The following ARHGAP45 variants were observed in gnomAD, a reference collection of about 807,000 sequenced individuals.
ARHGAP45 encodes the protein Rho GTPase activating protein 45, also known as rho GTPase-activating protein 45.
In ARHGAP45, 56 loss-of-function variants were observed where a neutral mutation model predicts 116.1. That is an observed-to-expected ratio of 0.48 (90% confidence interval 0.39 to 0.60). The LOEUF (loss-of-function observed/expected upper bound fraction) is 0.60. ARHGAP45 is among the 20% of genes least tolerant of loss of function. The probability of loss-of-function intolerance (pLI) is 0.00; values close to 1 mark genes in which losing one functional copy is unlikely to be tolerated. For synonymous variants in ARHGAP45, 866 were observed against 701.7 expected (o/e 1.23, Z -3.70); for missense variants, 1,622 against 1,601.0 (o/e 1.01, Z -0.22).
intron 1 of ARHGAP45, 184 bp downstream of exon 1, chr19:1,067,679 G>C: frequency 2.8e-6 from 2 of 721,586 alleles, no homozygotes; most frequent in Admixed American, 4.0e-5. Flanking sequence ...CTCACGGTAG[G>C]GACCCTGGGA....
chr19:1,080,870 C>T (rs745623081), intron 16 of ARHGAP45, 22 bp from the exon 17 acceptor site: 3 of 1,604,992 alleles, frequency 1.9e-6, no homozygotes, highest in Non-Finnish European at 2.6e-6. Flanking sequence ...TTGGTGACAC[C>T]GGCTGCCTGT....
chr19:1,067,371 G>C lies in ARHGAP45; in HGVS notation c.-35G>C. 6.5e-7 allele frequency: 1 copy of C among 1,533,212 alleles called. No individual in the cohort carries two copies. The highest frequency in any genetic ancestry group is 8.8e-7 in the Non-Finnish European group (1 of 1,142,310). 95.0% of individuals were successfully genotyped at this position (1,533,212 alleles called of 1,614,324 possible). A position where few individuals can be genotyped will look rare whatever the true frequency, so the allele number is the denominator to read the frequency against. ...GGGAGCTGCAGCGCTGAGACCCCCA[G>C]CCCGCCCCCTCGGGCTCCCGGCCGG... On this transcript the variant is annotated 5_prime_UTR_variant, in exon 1 of 23. Transcript: ENST00000313093.
At chr19:1,070,510 CT>C (rs35544064) in intron 2 of ARHGAP45, among the ~76,000 whole-genome samples, 13,613 of 133,126 alleles carry the variant, frequency 0.1, 720 homozygotes, top group African/African-American at 0.14. Flanking sequence ...TTTTTTCTTT[CT>C]TTTTTTTTTT....
At chr19:1,081,512 G>T in intron 17 of ARHGAP45, 38 bp from the exon 18 acceptor site, 1 of 1,440,512 alleles carries the variant, frequency 6.9e-7, no homozygotes, top group Non-Finnish European at 9.1e-7. Flanking sequence ...TGAGCTGGGC[G>T]CCCCGGGGCT....
Position 1,067,642 on chromosome 19 carries a change from C to A in ARHGAP45, c.90+147C>A, listed in dbSNP as rs1555704944. 3 of 803,490 alleles carry A rather than the reference C, an allele frequency of 3.7e-6. No homozygotes were observed. The South Asian group carries it at 4.3e-5, about 12-fold the overall frequency. 49.8% of individuals were successfully genotyped at this position (803,490 alleles called of 1,614,324 possible). A position where few individuals can be genotyped will look rare whatever the true frequency, so the allele number is the denominator to read the frequency against. ...CCGGGCGGGACGGCAGGGGCCACAG[C>A]AGAGAGGCCGGGACCCCGGCATTCA... On this transcript the variant is annotated intron_variant, in intron 1 of 22. Transcript: ENST00000313093.
chr19:1,079,822 C>T lies in ARHGAP45; in HGVS notation c.1494C>T (p.Ser498=), dbSNP rs945681185. The change falls in exon 12 of 23, where the codon AGC becomes AGT. Residue 498 remains serine (S), a synonymous_variant. Transcript: ENST00000313093. ...LRQIQEVIRQ[S]DQTIKSATIS... ...AGATCCAGGAGGTCATCCGGCAGAG[C>T]GACCAAACCATCAAGTCGGTGCGTG... 1 of 1,607,320 alleles carries T rather than the reference C, an allele frequency of 6.2e-7. No individual in the cohort carries two copies. Among genetic ancestry groups the T allele is most frequent in the Non-Finnish European group, 8.5e-7 (1 of 1,175,538 alleles).
intron 11 of ARHGAP45, 41 bp from the exon 12 acceptor site, chr19:1,079,662 C>G (rs779610289): frequency 5.6e-6 from 9 of 1,606,738 alleles, no homozygotes; most frequent in South Asian, 3.3e-5. Flanking sequence ...TCCTGCACCC[C>G]GGGCTGAGGC....
chr19:1,086,433 G>A lies in ARHGAP45; in HGVS notation c.*427G>A, dbSNP rs988274359. On this transcript the variant is annotated 3_prime_UTR_variant, in exon 23 of 23. Transcript: ENST00000313093. ...AGAAACCATTCTGGGAGCCGTGGAT[G>A]GGGGCGGAGCTGGGGTTTGGTGCAG... 1 of 179,188 alleles carries A rather than the reference G, an allele frequency of 5.6e-6. No homozygotes were observed. The highest frequency in any genetic ancestry group is 1.2e-5 in the Non-Finnish European group (1 of 83,538). 11.1% of individuals were successfully genotyped at this position (179,188 alleles called of 1,614,324 possible).
chr19:1,085,633 C>T (rs775945092), intron 22 of ARHGAP45, 27 bp from the exon 23 acceptor site: 111 of 1,489,340 alleles, frequency 7.5e-5, no homozygotes, highest in Non-Finnish European at 9.7e-5. Flanking sequence ...TGTCTGTCTC[C>T]CCCCGCCATC....
In ARHGAP45 at chr19:1,074,863, G is replaced by T. The variant is rs1302648887; in HGVS notation, c.1169G>T (p.Arg390Leu). 1 of 1,373,952 alleles carries T rather than the reference G, an allele frequency of 7.3e-7. No homozygotes were observed. Among genetic ancestry groups the T allele is most frequent in the African/African-American group, 1.5e-5 (1 of 66,812 alleles). The allele number at this position is 1,373,952 out of a possible 1,614,324, so 85.1% of individuals were successfully genotyped here. ...RRKEIKEAWH[R>L]AQRKLQEAES... ...AAGGAGATCAAGGAGGCCTGGCACC[G>T]TGCCCAGAGGAAGCTGGTGAGGCGG... is the stretch of plus-strand genomic sequence containing the variant. The change falls in exon 10 of 23, where the codon CGT becomes CTT. Residue 390 changes from arginine to leucine, a missense_variant. Physicochemically the swap from Arg to Leu is moderately radical, Grantham distance 102. Coordinates refer to ENST00000313093, the MANE Select transcript of ARHGAP45 (RefSeq NM_012292.5).
chr19:1,073,826 A>AC (rs1371304987), intron 5 of ARHGAP45, 80 bp downstream of exon 5: 4 of 1,533,488 alleles, frequency 2.6e-6, no homozygotes, highest in Non-Finnish European at 3.5e-6. Context: ...CCAGACAGTC[A>AC]CCCTGCTTCC....
At chr19:1,082,056 A>G (rs561601195) in intron 19 of ARHGAP45, 95 bp downstream of exon 19, 6 of 870,264 alleles carry the variant, frequency 6.9e-6, no homozygotes, top group Non-Finnish European at 9.1e-6. Flanking sequence ...AGCAGGACTG[A>G]GCTGGAGCAG....
intron 8 of ARHGAP45, 63 bp from the exon 9 acceptor site, chr19:1,074,551 G>T: frequency 6.9e-7 from 1 of 1,445,760 alleles, no homozygotes; most frequent in Non-Finnish European, 9.3e-7. Flanking sequence ...CTGGTGGCTG[G>T]GGGTGCTGGG....
chr19:1,080,825 T>G (rs754164129), intron 16 of ARHGAP45, 39 bp downstream of exon 16: 1 of 1,610,766 alleles, frequency 6.2e-7, no homozygotes, highest in South Asian at 1.1e-5. Flanking sequence ...AGAGGGGGGT[T>G]TGGACACAGT....
chr19:1,080,912 C>T lies in ARHGAP45; in HGVS notation c.2038C>T (p.Pro680Ser), dbSNP rs1219835297. Residue 680 changes from proline to serine, a missense_variant, in exon 17 of 23, where the codon CCC (proline) becomes TCC (serine). This residue lies in a region of ARHGAP45 where 1,334 missense variants were observed against 1,263.8 expected (regional missense o/e 1.06). Coordinates refer to ENST00000313093, the MANE Select transcript of ARHGAP45 (RefSeq NM_012292.5). ...CGCAGCTGACCTCAACGGCATGACC[C>T]CCGAGCTGCCGGTGGCCGTGCCCAG... ...FEQADLNGMT[P>S]ELPVAVPSGP... The T allele has an allele frequency of 3.1e-6, 5 of 1,608,720 alleles. No individual in the cohort carries two copies. Among genetic ancestry groups the T allele is most frequent in the East Asian group, 2.2e-5 (1 of 44,756 alleles).
rs762569026 is a variant in ARHGAP45 at position 1,079,912 on chromosome 19, C to G, written c.1513-16C>G. The G allele has an allele frequency of 6.2e-7, 1 of 1,601,806 alleles. No individual in the cohort carries two copies. Among genetic ancestry groups the G allele is most frequent in the Non-Finnish European group, 8.5e-7 (1 of 1,171,028 alleles). ...GGCCTCCTCCTGACCCCTCCGCTCTCCGGTGCCGCCCGCAGGCCACGATCT... is the reference window on the plus strand; with the variant it reads ...GGCCTCCTCCTGACCCCTCCGCTCTGCGGTGCCGCCCGCAGGCCACGATCT... On this transcript the variant is annotated splice_polypyrimidine_tract_variant and intron_variant, in intron 12 of 22. Transcript: ENST00000313093.
At position 1,074,018 on chromosome 19, in the gene ARHGAP45, A is replaced by G; in HGVS notation, c.790+4A>G. On this transcript the variant is annotated splice_donor_region_variant and intron_variant, in intron 6 of 22. Transcript: ENST00000313093. ...AGCCTGGAAGACTGTGACGCCGGTAAGCCCCCACCCAGCGGCAGGCAGGCA... is the reference window on the plus strand; with the variant it reads ...AGCCTGGAAGACTGTGACGCCGGTAGGCCCCCACCCAGCGGCAGGCAGGCA... The G allele has an allele frequency of 6.3e-7, 1 of 1,597,418 alleles. No individual in the cohort carries two copies. The highest frequency in any genetic ancestry group is 1.7e-5 in the Admixed American group (1 of 57,554).
In ARHGAP45 at chr19:1,080,145, C is replaced by T. The variant is rs756017873; in HGVS notation, c.1703+27C>T. 2.2e-5 allele frequency: 36 copies of T among 1,610,690 alleles called. No individual in the cohort carries two copies. The Middle Eastern group carries it at 1.2e-3, about 52-fold the overall frequency. ...TACCGCCACCCAGCTGCCCTGTCCCCGGCGCACAAGGCCCTGCCTGGGAGC... is the reference window on the plus strand; with the variant it reads ...TACCGCCACCCAGCTGCCCTGTCCCTGGCGCACAAGGCCCTGCCTGGGAGC... On this transcript the variant is annotated intron_variant, in intron 13 of 22. Transcript: ENST00000313093.
At position 1,083,305 on chromosome 19, in the gene ARHGAP45, C is replaced by T; in HGVS notation, c.2907C>T (p.His969=). 6.3e-7 allele frequency: 1 copy of T among 1,576,134 alleles called. No individual in the cohort carries two copies. The highest frequency in any genetic ancestry group is 8.6e-7 in the Non-Finnish European group (1 of 1,160,796). ...GCGTCATCGAGACTCTCATCGTCCA[C>T]TACGGCCTGGTCTTCGAGGAGGAGC... The part of the protein sequence containing the change: ...QARVIETLIV[H]YGLVFEEEPE... The change falls in exon 21 of 23, where the codon CAC becomes CAT. Residue 969 remains histidine (H), a synonymous_variant. Coordinates refer to ENST00000313093, the MANE Select transcript of ARHGAP45 (RefSeq NM_012292.5).
Sources: gnomAD v4.1 joint callset for allele counts (sites outside exome capture counted in the v4.1 genomes callset) on GRCh38, gnomAD v4.1.1 for gene constraint, gnomAD v4.1.1 regional missense constraint, MANE v1.5 for transcripts, NCBI Gene and HGNC (gene_info 2026-07-23, HGNC 2026-07-21) for gene names.